The following TBCK variants were observed in gnomAD, a reference collection of about 807,000 sequenced individuals.
TBCK encodes the protein TBC domain-containing protein kinase-like protein.
Under a neutral mutation model 113.4 loss-of-function variants are expected in TBCK, and 99 were observed. The ratio of observed to expected loss-of-function variants is 0.87; its 90% CI spans 0.74 to 1.03. The LOEUF (loss-of-function observed/expected upper bound fraction) is 1.03. TBCK is among the 50% of genes least tolerant of loss of function. TBCK has a pLI of 0.00. For missense variants in TBCK, 1,045 were observed against 1,061.3 expected (o/e 0.98, Z 0.21); for synonymous variants, 369 against 370.8 (o/e 1.00, Z 0.05).
rs558951415 is a variant in TBCK, at chr4:106,248,688, G to A, written c.720+233C>T. 2.6e-5 allele frequency among the ~76,000 whole-genome samples: 4 copies of A among 152,270 alleles called. No homozygotes were observed. In the East Asian group the frequency reaches 7.7e-4, roughly 29 times the overall value. On this transcript the variant is annotated intron_variant, in intron 8 of 25. Transcript: ENST00000394708. ...TGAATGGCATTAAGAGGCTTATAAA[G>A]GTGAGACCTCACATAGCAATTGCCT...
intron 25 of TBCK, among the ~76,000 whole-genome samples, chr4:106,079,474 C>T (rs1738608414): frequency 6.6e-6 from 1 of 152,090 alleles, no homozygotes; most frequent in Admixed American, 6.6e-5. Context: ...TTTCAGGACA[C>T]AAAATAAATG....
chr4:106,284,494 C>G (rs1198432650), intron 3 of TBCK, among the ~76,000 whole-genome samples: 1 of 152,134 alleles, frequency 6.6e-6, no homozygotes, highest in Non-Finnish European at 1.5e-5. Flanking sequence ...TCACGTATAA[C>G]TTCTGCAATA....
chr4:106,085,296 CAAA>C (rs1389097994), intron 25 of TBCK, among the ~76,000 whole-genome samples: 1 of 151,608 alleles, frequency 6.6e-6, no homozygotes, highest in Non-Finnish European at 1.5e-5. Context: ...CAAAACAAAA[CAAA>C]ACAAAACGGG....
At chr4:106,177,604 A>C (rs543483752) in intron 22 of TBCK, among the ~76,000 whole-genome samples, 1 of 151,982 alleles carries the variant, frequency 6.6e-6, no homozygotes, top group East Asian at 1.9e-4. Flanking sequence ...TCCCCAATGT[A>C]TATTGTTGGC....
At position 106,241,686 on chromosome 4, in the gene TBCK, T is replaced by C. The variant is rs1175034058; in HGVS notation, c.1170+784A>G. The stretch of plus-strand genomic sequence containing the variant: ...AGGGGTATTTTTTTAATCAATGAAA[T>C]ATGATATTGGATACCTTCCTTACAA... On this transcript the variant is annotated intron_variant, in intron 12 of 25. Transcript: ENST00000394708. Among the ~76,000 whole-genome samples, 6 of 151,904 alleles carry C rather than the reference T, an allele frequency of 3.9e-5. No homozygotes were observed. In the South Asian group the frequency reaches 8.3e-4, roughly 21 times the overall value.
intron 20 of TBCK, among the ~76,000 whole-genome samples, chr4:106,201,819 T>C (rs1754916709): frequency 6.6e-6 from 1 of 152,044 alleles, no homozygotes. Flanking sequence ...GCATACTATA[T>C]TGTCTATCTT....
chr4:106,305,042 T>C (rs1206147092), intron 2 of TBCK, among the ~76,000 whole-genome samples: 1 of 152,210 alleles, frequency 6.6e-6, no homozygotes, highest in Admixed American at 6.5e-5. Flanking sequence ...TCTGTGCCTA[T>C]AGATTAAATC....
At chr4:106,216,283 A>T (rs1756907507) in intron 19 of TBCK, among the ~76,000 whole-genome samples, 1 of 151,332 alleles carries the variant, frequency 6.6e-6, no homozygotes, top group Non-Finnish European at 1.5e-5. Context: ...CAAAATTGAC[A>T]CCCTAACATC....
intron 25 of TBCK, among the ~76,000 whole-genome samples, chr4:106,083,832 C>T (rs1251897936): frequency 6.6e-6 from 1 of 152,142 alleles, no homozygotes; most frequent in African/African-American, 2.4e-5. Context: ...GAAACTGCAG[C>T]AGCCCTACAG....
intron 23 of TBCK, among the ~76,000 whole-genome samples, chr4:106,145,166 A>G (rs963735783): frequency 6.6e-6 from 1 of 152,088 alleles, no homozygotes; most frequent in Non-Finnish European, 1.5e-5. Flanking sequence ...AAAAAGACAA[A>G]AATTAGCTGG....
chr4:106,109,264 G>GA lies in TBCK; in HGVS notation c.2411+6938dup, dbSNP rs546231936. Among the ~76,000 whole-genome samples the GA allele has an allele frequency of 4.9e-3, 747 of 152,088 alleles. 4 individuals carry two copies. Among genetic ancestry groups the GA allele is most frequent in the African/African-American group, 0.017 (719 of 41,498 alleles). On this transcript the variant is annotated intron_variant, in intron 24 of 25. Transcript: ENST00000394708. ...ACTACCAGTGACATTAACAGAACAA[G>GA]AAAAAACTATTTTAAAATTCATATG...
rs185266688 is a variant in TBCK, at chr4:106,114,220, T to C, written c.2411+1983A>G. On this transcript the variant is annotated intron_variant, in intron 24 of 25. Coordinates refer to ENST00000394708, the MANE Select transcript of TBCK (RefSeq NM_001163435.3). The stretch of plus-strand genomic sequence containing the variant: ...AGATCAGTCAGGGTGGTGGGAAAAA[T>C]TGTAGAAAGATGCAAACCTTCTTGG... 1.6e-4 allele frequency among the ~76,000 whole-genome samples: 25 copies of C among 152,054 alleles called. No homozygotes were observed. The East Asian group carries it at 1.7e-3, about 11-fold the overall frequency.
chr4:106,070,615 G>A (rs955830169), intron 25 of TBCK, among the ~76,000 whole-genome samples: 1 of 152,078 alleles, frequency 6.6e-6, no homozygotes, highest in Non-Finnish European at 1.5e-5. Context: ...TTTTGTGTGT[G>A]TGTCTCTGCC....
At chr4:106,212,095 G>T (rs1359146744) in intron 20 of TBCK, among the ~76,000 whole-genome samples, 4 of 151,978 alleles carry the variant, frequency 2.6e-5, no homozygotes. Context: ...GCTACCACTT[G>T]CATCCCCATC....
chr4:106,151,973 C>T (rs1421712151), intron 23 of TBCK, among the ~76,000 whole-genome samples: 3 of 151,874 alleles, frequency 2.0e-5, no homozygotes, highest in Admixed American at 1.3e-4. Context: ...ACTTCTAATA[C>T]TGTTTTTTAT....
At chr4:106,193,499 A>AATC (rs1169762544) in intron 22 of TBCK, 110 bp downstream of exon 22, 23 of 1,125,778 alleles carry the variant, frequency 2.0e-5, no homozygotes, top group Middle Eastern at 2.9e-4. Flanking sequence ...TGAGGCCCAA[A>AATC]CAGAAGAGAT....
intron 24 of TBCK, among the ~76,000 whole-genome samples, chr4:106,111,429 G>A (rs988414309): frequency 6.6e-6 from 1 of 152,124 alleles, no homozygotes; most frequent in African/African-American, 2.4e-5. Context: ...TATTCCCCTT[G>A]CAGAACGGGA....
At chr4:106,286,944 G>A (rs992747136) in intron 3 of TBCK, among the ~76,000 whole-genome samples, 3 of 152,112 alleles carry the variant, frequency 2.0e-5, no homozygotes, top group Non-Finnish European at 4.4e-5. Flanking sequence ...CAATGAAAAC[G>A]GAAATTTATC....
At chr4:106,220,614 A>G (rs1166541587) in intron 19 of TBCK, among the ~76,000 whole-genome samples, 2 of 149,326 alleles carry the variant, frequency 1.3e-5, no homozygotes, top group African/African-American at 2.4e-5. Flanking sequence ...GCTGGATTTA[A>G]AAAAAAAAAG....
Sources: allele counts gnomAD v4.1 joint callset (sites outside exome capture counted in the v4.1 genomes callset), GRCh38; gene constraint gnomAD v4.1.1; transcripts MANE v1.5; gene names NCBI Gene and HGNC (gene_info 2026-07-23, HGNC 2026-07-21).